RTN4RL1: variants seen among roughly 807,000 people sequenced by gnomAD.
RTN4RL1 encodes the protein reticulon 4 receptor like 1.
RTN4RL1 carries 7 observed loss-of-function variants against 25.6 expected under a neutral mutation model. The observed-to-expected ratio is 0.27, with a 90% CI of 0.16 to 0.51. RTN4RL1 has a LOEUF of 0.51. Among genes scored for constraint, RTN4RL1 ranks in the 20% least tolerant of loss-of-function variants. RTN4RL1 has a pLI of 0.97. For missense variants in RTN4RL1, 500 were observed against 615.6 expected, an observed-to-expected ratio of 0.81 and a Z score of 1.99; for synonymous variants, 297 against 288.2, an observed-to-expected ratio of 1.03 and a Z score of -0.31.
At chr17:1,983,220 G>T (rs1243084069) in intron 1 of RTN4RL1, among the ~76,000 whole-genome samples, 2 of 151,948 alleles carry the variant, frequency 1.3e-5, no homozygotes, top group African/African-American at 4.8e-5. Flanking sequence ...TAATTTTTGT[G>T]TTTTTAGTAG....
At chr17:1,962,257 T>G (rs559561909) in intron 1 of RTN4RL1, among the ~76,000 whole-genome samples, 11 of 141,456 alleles carry the variant, frequency 7.8e-5, no homozygotes, top group African/African-American at 2.4e-4. Flanking sequence ...TTATCCTAGA[T>G]GACAAATCAA....
chr17:1,942,364 TGGGGGGATACGGA>T (rs1915456910), intron 1 of RTN4RL1, among the ~76,000 whole-genome samples: 1 of 119,426 alleles, frequency 8.4e-6, no homozygotes, highest in Non-Finnish European at 1.8e-5. Context: ...AATGACTGGG[TGGGGGGATACGGA>T]GGATCCTCAT....
chr17:1,943,652 TG>T (rs1915482806), intron 1 of RTN4RL1, among the ~76,000 whole-genome samples: 1 of 152,218 alleles, frequency 6.6e-6, no homozygotes, highest in Admixed American at 6.5e-5. Context: ...CGGCTGCACT[TG>T]GGGCTGCTGG....
intron 1 of RTN4RL1, among the ~76,000 whole-genome samples, chr17:1,959,923 A>G (rs1224955699): frequency 1.3e-5 from 2 of 152,148 alleles, no homozygotes; most frequent in Admixed American, 1.3e-4. Context: ...TTCTGGCTCT[A>G]AACTGCAGAC....
chr17:1,980,004 C>A lies in RTN4RL1; in HGVS notation c.14-42196G>T, dbSNP rs567401359. Among the ~76,000 whole-genome samples, 53 of 152,310 alleles carry A rather than the reference C, an allele frequency of 3.5e-4. No individual in the cohort carries two copies. In the South Asian group the frequency reaches 0.011, roughly 32 times the overall value. Reference sequence around the variant, plus strand: ...CAGGCCCTTTCCCACACACCCTGGCCTGGGGGTGTCTTAAAATCCCAGCAC... The same window carrying A: ...CAGGCCCTTTCCCACACACCCTGGCATGGGGGTGTCTTAAAATCCCAGCAC... On this transcript the variant is annotated intron_variant, in intron 1 of 1. Transcript: ENST00000331238.
intron 1 of RTN4RL1, among the ~76,000 whole-genome samples, chr17:1,939,193 A>G (rs1915384737): frequency 1.3e-5 from 2 of 151,366 alleles, no homozygotes; most frequent in Non-Finnish European, 2.9e-5. Flanking sequence ...TCTACTAAAA[A>G]TACAAAAAAA....
intron 1 of RTN4RL1, among the ~76,000 whole-genome samples, chr17:1,983,310 G>A (rs1188504857): frequency 1.3e-5 from 2 of 151,668 alleles, no homozygotes; most frequent in Admixed American, 1.3e-4. Context: ...CCTCCCAAAG[G>A]GCTGGGATGA....
chr17:1,966,024 T>C (rs1336859130), intron 1 of RTN4RL1, among the ~76,000 whole-genome samples: 1 of 152,012 alleles, frequency 6.6e-6, no homozygotes, highest in African/African-American at 2.4e-5. Flanking sequence ...GACAAGCACA[T>C]CACGAGCGGC....
In RTN4RL1 at chr17:1,995,455, T is replaced by TG. The variant is rs113044430; in HGVS notation, c.13+29397dup. 9.0e-3 allele frequency among the ~76,000 whole-genome samples: 1,325 copies of TG among 147,490 alleles called. 27 individuals carry two copies. Among genetic ancestry groups the TG allele is most frequent in the African/African-American group, 0.031 (1,259 of 40,040 alleles). On this transcript the variant is annotated intron_variant, in intron 1 of 1. Coordinates refer to ENST00000331238, the MANE Select transcript of RTN4RL1 (RefSeq NM_178568.4). ...AAAAAAAAAAAAAAAAAGATAGGCA[T>TG]GGCAGGGGAACCTCTACAGCCAGGA... is the stretch of plus-strand genomic sequence containing the variant.
intron 1 of RTN4RL1, among the ~76,000 whole-genome samples, chr17:1,971,809 A>C (rs1210814296): frequency 6.6e-6 from 1 of 151,740 alleles, no homozygotes; most frequent in Non-Finnish European, 1.5e-5. Context: ...AAAAATACAA[A>C]ACATTAGCCA....
intron 1 of RTN4RL1, among the ~76,000 whole-genome samples, chr17:1,942,657 T>G (rs2151305076): frequency 6.6e-6 from 1 of 152,286 alleles, no homozygotes; most frequent in East Asian, 1.9e-4. Flanking sequence ...AGAGCTGTGT[T>G]GTGTTCAGGT....
At chr17:1,961,656 G>A (rs9646402) in intron 1 of RTN4RL1, among the ~76,000 whole-genome samples, 37,636 of 151,400 alleles carry the variant, frequency 0.25, 5,013 homozygotes, top group African/African-American at 0.32. Flanking sequence ...GGCCAGGCGC[G>A]GTGGCTCATG....
chr17:1,980,785 C>T (rs1030295020), intron 1 of RTN4RL1, among the ~76,000 whole-genome samples: 5 of 151,292 alleles, frequency 3.3e-5, no homozygotes, highest in South Asian at 2.1e-4. Flanking sequence ...CAAAAACAGC[C>T]GAGTGTGGTG....
In RTN4RL1 at chr17:1,998,092, C is replaced by T. The variant is rs899839158; in HGVS notation, c.13+26761G>A. Among the ~76,000 whole-genome samples the T allele has an allele frequency of 2.6e-5, 4 of 152,056 alleles. No individual in the cohort carries two copies. The highest frequency in any genetic ancestry group is 9.6e-5 in the African/African-American group (4 of 41,498). On this transcript the variant is annotated intron_variant, in intron 1 of 1. Coordinates refer to ENST00000331238, the MANE Select transcript of RTN4RL1 (RefSeq NM_178568.4). This position sits in a 1 kb window ranked among gnomAD's most constrained non-coding sequence, Gnocchi z 4.9. The stretch of plus-strand genomic sequence containing the variant: ...TCCCGGCCTCTCCCGGCCTCATTAC[C>T]GAGGGAGAGCTGCCGGGGCTGGCAG...
intron 1 of RTN4RL1, among the ~76,000 whole-genome samples, chr17:1,956,086 T>C (rs983868843): frequency 2.0e-5 from 3 of 152,100 alleles, no homozygotes; most frequent in African/African-American, 7.2e-5. Flanking sequence ...ATGCTATATA[T>C]GGAGTTCTGT....
At chr17:1,996,521 C>T (rs1346340205) in intron 1 of RTN4RL1, among the ~76,000 whole-genome samples, 1 of 152,046 alleles carries the variant, frequency 6.6e-6, no homozygotes, top group Admixed American at 6.6e-5. Context: ...CCCCCTCTTC[C>T]GGATGTGATC....
chr17:2,015,307 G>A (rs981941395), intron 1 of RTN4RL1, among the ~76,000 whole-genome samples: 3 of 152,180 alleles, frequency 2.0e-5, no homozygotes, highest in Admixed American at 6.5e-5. Context: ...TTTCAGACAC[G>A]CCGGGTTTGA....
chr17:1,942,770 T>C (rs1915466641), intron 1 of RTN4RL1, among the ~76,000 whole-genome samples: 1 of 152,068 alleles, frequency 6.6e-6, no homozygotes. Context: ...CCCGGTCCGC[T>C]CAGCAGCCCC....
rs547964860 is a variant in RTN4RL1 at position 2,014,808 on chromosome 17, G to A, written c.13+10045C>T. On this transcript the variant is annotated intron_variant, in intron 1 of 1. Coordinates refer to ENST00000331238, the MANE Select transcript of RTN4RL1 (RefSeq NM_178568.4). ...GATTGCGCCACTGCACTCCAGCCTG[G>A]ACGACAGGGAAGGACTCCATCTCAA... is the stretch of plus-strand genomic sequence containing the variant. 2.0e-5 allele frequency among the ~76,000 whole-genome samples: 3 copies of A among 151,592 alleles called. No homozygotes were observed. The East Asian group carries it at 5.8e-4, about 29-fold the overall frequency.
Sources: gnomAD v4.1 joint callset for allele counts (sites outside exome capture counted in the v4.1 genomes callset) on GRCh38, gnomAD v4.1.1 for gene constraint, Gnocchi (gnomAD v3.1) non-coding constraint, MANE v1.5 for transcripts, NCBI Gene and HGNC (gene_info 2026-07-23, HGNC 2026-07-21) for gene names.